The following CLIC6 variants were observed in gnomAD, a reference collection of about 807,000 sequenced individuals.
CLIC6 encodes the protein chloride intracellular channel protein 6.
A neutral mutation model predicts 49.2 loss-of-function variants in CLIC6; 39 were observed. The observed-to-expected ratio is 0.79, with a 90% CI of 0.61 to 1.04. The LOEUF is 1.04. Ranked by LOEUF, CLIC6 falls within the 50% of genes least tolerant of loss-of-function variation. The pLI is 0.00. For missense variants in CLIC6, 988 were observed against 993.1 expected (o/e 0.99, Z 0.07); for synonymous variants, 446 against 433.4 (o/e 1.03, Z -0.36).
intron 1 of CLIC6, among the ~76,000 whole-genome samples, chr21:34,677,118 C>A (rs1989688046): frequency 6.6e-6 from 1 of 152,134 alleles, no homozygotes; most frequent in Non-Finnish European, 1.5e-5. Context: ...TATTGACAGC[C>A]CCACTTCCTC....
At chr21:34,699,373 T>C (rs1568966318) in intron 1 of CLIC6, among the ~76,000 whole-genome samples, 2 of 150,230 alleles carry the variant, frequency 1.3e-5, no homozygotes, top group Non-Finnish European at 3.0e-5. Flanking sequence ...CACCTCAGCC[T>C]CACAAGGATC....
rs755096243 is a variant in CLIC6 at position 34,708,071 on chromosome 21, T to C, written c.1610+2T>C. 1 of 1,614,072 alleles carries C rather than the reference T, an allele frequency of 6.2e-7. No homozygotes were observed. Among genetic ancestry groups the C allele is most frequent in the Non-Finnish European group, 8.5e-7 (1 of 1,179,954 alleles). On this transcript the variant is annotated splice_donor_variant, in intron 3 of 5. Transcript: ENST00000349499. LOFTEE classifies it high-confidence loss of function. ...AGAGGAGAAATTAGCTCCCCCGAGG[T>C]AGGCCTCAGAAAACCAGTGTTCATA...
chr21:34,699,987 CT>C (rs1191120650), intron 1 of CLIC6, among the ~76,000 whole-genome samples: 1 of 152,032 alleles, frequency 6.6e-6, no homozygotes. Flanking sequence ...CCACCCTAAT[CT>C]TTTTTTAAGC....
intron 1 of CLIC6, among the ~76,000 whole-genome samples, chr21:34,696,614 C>T (rs924131222): frequency 2.0e-5 from 3 of 152,192 alleles, no homozygotes; most frequent in South Asian, 2.1e-4. Flanking sequence ...AGTACCTACA[C>T]CTGATAGGGT....
In CLIC6 at chr21:34,716,568, C is replaced by T. The variant is rs1370685832; in HGVS notation, c.*86C>T. ...TTTGAAAACAAATTAGGTTTGGGTT[C>T]AATTCCTTCAATTTTTAAAAAACTG... is the stretch of plus-strand genomic sequence containing the variant. On this transcript the variant is annotated 3_prime_UTR_variant, in exon 6 of 6. Transcript: ENST00000349499. 7.5e-6 allele frequency: 8 copies of T among 1,070,944 alleles called. No individual in the cohort carries two copies. Among genetic ancestry groups the T allele is most frequent in the African/African-American group, 1.6e-5 (1 of 61,102 alleles). The allele number at this position is 1,070,944 out of a possible 1,614,324, so 66.3% of individuals were successfully genotyped here.
chr21:34,709,011 A>G (rs761167659), intron 4 of CLIC6, among the ~76,000 whole-genome samples: 1 of 152,228 alleles, frequency 6.6e-6, no homozygotes, highest in Non-Finnish European at 1.5e-5. Context: ...CTCAGAAAAC[A>G]ACATTTTTAG....
chr21:34,703,159 G>A lies in CLIC6; in HGVS notation c.1375-4121G>A, dbSNP rs929731872. 3.3e-5 allele frequency among the ~76,000 whole-genome samples: 5 copies of A among 152,078 alleles called. No homozygotes were observed. The South Asian group carries it at 8.3e-4, about 25-fold the overall frequency. ...ACACGGATGCATTTCCTGCCTCCTC[G>A]GTTGAAAGCCAGTTATCAGAAAATA... On this transcript the variant is annotated intron_variant, in intron 1 of 5. Coordinates refer to ENST00000349499, the MANE Select transcript of CLIC6 (RefSeq NM_053277.3).
intron 1 of CLIC6, among the ~76,000 whole-genome samples, chr21:34,693,301 A>G (rs1990029418): frequency 6.6e-6 from 1 of 152,184 alleles, no homozygotes; most frequent in Non-Finnish European, 1.5e-5. Flanking sequence ...TCCCAGGGAA[A>G]TCTAGATGGT....
At position 34,669,587 on chromosome 21, in the gene CLIC6, A is replaced by G. The variant is rs1568952977; in HGVS notation, c.199A>G (p.Arg67Gly). The change falls in exon 1 of 6, where the codon AGG becomes GGG. Residue 67 changes from arginine to glycine, a missense_variant. Transcript: ENST00000349499. ...GGAGGCAGGAGGCGGCGGGCCAGAC[A>G]GGGGCCCGGAGGCCGAGGCGCGGGG... Reference protein sequence around the residue: ...VKEAGGGGPDRGPEAEARGTR... With the variant: ...VKEAGGGGPDGGPEAEARGTR... The G allele has an allele frequency of 1.6e-6, 2 of 1,265,690 alleles. No individual in the cohort carries two copies. The highest frequency in any genetic ancestry group is 3.2e-5 in the East Asian group (1 of 31,740). The allele number at this position is 1,265,690 out of a possible 1,614,324, so 78.4% of individuals were successfully genotyped here. A position where few individuals can be genotyped will look rare whatever the true frequency, so the allele number is the denominator to read the frequency against.
chr21:34,710,624 T>C (rs944049767), intron 5 of CLIC6, among the ~76,000 whole-genome samples: 10 of 152,040 alleles, frequency 6.6e-5, no homozygotes, highest in Non-Finnish European at 1.3e-4. Context: ...CCATCCTGGC[T>C]AACATGGTGA....
intron 1 of CLIC6, among the ~76,000 whole-genome samples, chr21:34,702,171 TG>T (rs1458733046): frequency 6.6e-6 from 1 of 152,038 alleles, no homozygotes; most frequent in Non-Finnish European, 1.5e-5. Flanking sequence ...TGACCGAAGA[TG>T]GGGGGCTGTT....
In CLIC6 at chr21:34,669,506, G is replaced by A. The variant is rs1989482242; in HGVS notation, c.118G>A (p.Gly40Arg). 3 of 1,235,466 alleles carry A rather than the reference G, an allele frequency of 2.4e-6. No individual in the cohort carries two copies. The highest frequency in any genetic ancestry group is 3.2e-5 in the East Asian group (1 of 31,646). The allele number at this position is 1,235,466 out of a possible 1,614,324, so 76.5% of individuals were successfully genotyped here. ...EPGAAGGEAEGPEGSEGAEEA... is the reference protein window; with the variant it reads ...EPGAAGGEAERPEGSEGAEEA... The stretch of plus-strand genomic sequence containing the variant: ...AGGAGCCGCGGGCGGGGAGGCAGAA[G>A]GGCCGGAGGGGAGCGAGGGCGCAGA... The change falls in exon 1 of 6, where the codon GGG becomes AGG. Residue 40 changes from glycine to arginine, a missense_variant. Coordinates refer to ENST00000349499, the MANE Select transcript of CLIC6 (RefSeq NM_053277.3).
At chr21:34,689,267 G>A (rs115155002) in intron 1 of CLIC6, among the ~76,000 whole-genome samples, 151 of 152,294 alleles carry the variant, frequency 9.9e-4, no homozygotes, top group African/African-American at 3.4e-3. Flanking sequence ...TCCAGCAGTC[G>A]TGGTGAGACC....
In CLIC6 at chr21:34,687,504, A is replaced by G. The variant is rs117731158; in HGVS notation, c.1374+16742A>G. ...CCGGAGTTTTTAAAGCATAATTCAT[A>G]TATAAGAATAGATGGCAAATACCAG... On this transcript the variant is annotated intron_variant, in intron 1 of 5. Coordinates refer to ENST00000349499, the MANE Select transcript of CLIC6 (RefSeq NM_053277.3). Among the ~76,000 whole-genome samples the G allele has an allele frequency of 2.0e-3, 303 of 152,356 alleles. 1 individual carries two copies. The highest frequency in any genetic ancestry group is 7.0e-3 in the African/African-American group (292 of 41,584).
At chr21:34,679,738 C>G (rs1285966408) in intron 1 of CLIC6, among the ~76,000 whole-genome samples, 1 of 152,214 alleles carries the variant, frequency 6.6e-6, no homozygotes, top group African/African-American at 2.4e-5. Flanking sequence ...GTCTGAAATT[C>G]CACAGGGCAG....
At position 34,678,250 on chromosome 21, in the gene CLIC6, T is replaced by C. The variant is rs1372702955; in HGVS notation, c.1374+7488T>C. Among the ~76,000 whole-genome samples, 3 of 147,642 alleles carry C rather than the reference T, an allele frequency of 2.0e-5. No individual in the cohort carries two copies. In the South Asian group the frequency reaches 6.4e-4, roughly 32 times the overall value. On this transcript the variant is annotated intron_variant, in intron 1 of 5. Coordinates refer to ENST00000349499, the MANE Select transcript of CLIC6 (RefSeq NM_053277.3). ...ATTGAGACCATCCTGGCCAACACGG[T>C]GCAACCCCGTCTCTACTAAAAATAC...
At chr21:34,689,362 G>A (rs1276731631) in intron 1 of CLIC6, among the ~76,000 whole-genome samples, 1 of 152,202 alleles carries the variant, frequency 6.6e-6, no homozygotes, top group Non-Finnish European at 1.5e-5. Flanking sequence ...ACTGGTGTTC[G>A]AAGGTACTTG....
chr21:34,702,528 C>A (rs978326448), intron 1 of CLIC6, among the ~76,000 whole-genome samples: 2 of 152,188 alleles, frequency 1.3e-5, no homozygotes, highest in Non-Finnish European at 2.9e-5. Context: ...CAACCCCGTA[C>A]GTCAACCCCC....
rs538796200 is a variant in CLIC6 at position 34,707,956 on chromosome 21, C to G, written c.1497C>G (p.Asp499Glu). 1 of 1,614,122 alleles carries G rather than the reference C, an allele frequency of 6.2e-7. No individual in the cohort carries two copies. Among genetic ancestry groups the G allele is most frequent in the Non-Finnish European group, 8.5e-7 (1 of 1,180,014 alleles). Reference protein sequence around the residue: ...TTVDLKRKPADLQNLAPGTNP... With the variant: ...TTVDLKRKPAELQNLAPGTNP... ...TCCTCCCACCTAGGAAACCCGCAGA[C>G]CTGCAGAACCTGGCTCCCGGAACAA... Residue 499 changes from aspartate to glutamate, a missense_variant, in exon 3 of 6, where the codon GAC becomes GAG. Physicochemically the swap from Asp to Glu is conservative, Grantham distance 45. Transcript: ENST00000349499.
Sources: gnomAD v4.1 joint callset for allele counts (sites outside exome capture counted in the v4.1 genomes callset) on GRCh38, gnomAD v4.1.1 for gene constraint, MANE v1.5 for transcripts, NCBI Gene and HGNC (gene_info 2026-07-23, HGNC 2026-07-21) for gene names.